ADCK1: variants seen among roughly 807,000 people sequenced by gnomAD.
ADCK1 encodes aarF domain containing kinase 1, also known as aarF domain-containing protein kinase 1.
ADCK1 carries 41 observed loss-of-function variants against 52.3 expected under a neutral mutation model. The ratio of observed to expected loss-of-function variants is 0.78; its 90% confidence interval spans 0.61 to 1.02. The LOEUF (loss-of-function observed/expected upper bound fraction) is 1.02, where lower values mean the gene tolerates loss of function less well. Ranked by LOEUF, ADCK1 falls within the 50% of genes least tolerant of loss-of-function variation. The probability of loss-of-function intolerance (pLI) is 0.00; values close to 1 mark genes in which losing one functional copy is unlikely to be tolerated. For synonymous variants in ADCK1, 250 were observed against 274.6 expected, an observed-to-expected ratio of 0.91 and a Z score of 0.89; for missense variants, 658 against 679.5, an observed-to-expected ratio of 0.97 and a Z score of 0.35.
At chr14:77,901,217 G>A (rs534934198) in intron 6 of ADCK1, among the ~76,000 whole-genome samples, 1 of 151,010 alleles carries the variant, frequency 6.6e-6, no homozygotes, top group East Asian at 1.9e-4. Context: ...ACTAATATTT[G>A]TATTTTTTTT....
At chr14:77,864,930 C>T (rs2082631564) in intron 4 of ADCK1, among the ~76,000 whole-genome samples, 2 of 152,184 alleles carry the variant, frequency 1.3e-5, no homozygotes, top group South Asian at 4.1e-4. Flanking sequence ...TATCTGATTG[C>T]ATGAGGCCCA....
At chr14:77,929,508 T>A (rs898227792) in intron 9 of ADCK1, among the ~76,000 whole-genome samples, 1 of 152,232 alleles carries the variant, frequency 6.6e-6, no homozygotes. Context: ...TCTTGCCTCA[T>A]TGGCTGACGC....
At chr14:77,809,865 T>G (rs2081301992) in intron 1 of ADCK1, among the ~76,000 whole-genome samples, 1 of 150,788 alleles carries the variant, frequency 6.6e-6, no homozygotes, top group Non-Finnish European at 1.5e-5. Context: ...TGAAACCTCT[T>G]CTCTAATAAA....
At chr14:77,931,366 G>A in intron 9 of ADCK1, 152 bp from the exon 10 acceptor site, 3 of 716,206 alleles carry the variant, frequency 4.2e-6, no homozygotes, top group Middle Eastern at 3.2e-4. Flanking sequence ...TCTCTATGGG[G>A]AGTGCTCCTA....
At chr14:77,868,844 A>T (rs1211813363) in intron 4 of ADCK1, among the ~76,000 whole-genome samples, 1 of 152,208 alleles carries the variant, frequency 6.6e-6, no homozygotes, top group Non-Finnish European at 1.5e-5. Context: ...AGCGGGGGAT[A>T]TACAGAATGT....
intron 4 of ADCK1, among the ~76,000 whole-genome samples, chr14:77,860,383 G>A (rs1311588134): frequency 6.6e-6 from 1 of 152,246 alleles, no homozygotes; most frequent in Non-Finnish European, 1.5e-5. Flanking sequence ...GGCCAGGAGA[G>A]TAGGGCAGAG....
intron 6 of ADCK1, among the ~76,000 whole-genome samples, chr14:77,903,252 C>T (rs899666436): frequency 1.3e-5 from 2 of 152,208 alleles, no homozygotes; most frequent in African/African-American, 4.8e-5. Context: ...TGCCTAAACA[C>T]ATAACAAGGG....
At chr14:77,817,914 T>TA (rs1309665353) in intron 1 of ADCK1, among the ~76,000 whole-genome samples, 2 of 151,208 alleles carry the variant, frequency 1.3e-5, no homozygotes, top group Admixed American at 1.3e-4. Flanking sequence ...TTTTTGTTTT[T>TA]TTTTTAGTAG....
intron 4 of ADCK1, among the ~76,000 whole-genome samples, chr14:77,870,915 G>GT (rs1419234154): frequency 1.3e-5 from 2 of 152,218 alleles, no homozygotes; most frequent in Non-Finnish European, 2.9e-5. Context: ...TATGGGCAGG[G>GT]TGGATGTGAT....
chr14:77,930,627 A>G (rs995289496), intron 9 of ADCK1, among the ~76,000 whole-genome samples: 5 of 152,172 alleles, frequency 3.3e-5, no homozygotes, highest in African/African-American at 1.2e-4. Flanking sequence ...CCATCTCACC[A>G]CTTACTAGCA....
chr14:77,888,685 G>T (rs564506476), intron 5 of ADCK1, among the ~76,000 whole-genome samples: 6 of 152,256 alleles, frequency 3.9e-5, no homozygotes, highest in African/African-American at 1.4e-4. Context: ...TACACATGGG[G>T]TGGGGGCAAG....
At position 77,887,098 on chromosome 14, in the gene ADCK1, A is replaced by G; in HGVS notation, c.431A>G (p.Asp144Gly). The stretch of plus-strand genomic sequence containing the variant: ...TCTCTCCACTCCCGACAGATCCATG[A>G]TTTGTTCCAGAGCTTCGATGACACC... Reference protein sequence around the residue: ...IREDLGKEIHDLFQSFDDTPL... With the variant: ...IREDLGKEIHGLFQSFDDTPL... Residue 144 changes from aspartate (D) to glycine (G), a missense_variant, in exon 5 of 11, where the codon GAT (aspartate) becomes GGT (glycine). Physicochemically the swap from Asp to Gly is moderately conservative, Grantham distance 94 (BLOSUM62 -1). Coordinates refer to ENST00000238561, the MANE Select transcript of ADCK1 (RefSeq NM_020421.4). 1 of 1,584,506 alleles carries G rather than the reference A, an allele frequency of 6.3e-7. No individual in the cohort carries two copies. Among genetic ancestry groups the G allele is most frequent in the Non-Finnish European group, 8.6e-7 (1 of 1,165,958 alleles).
At chr14:77,930,960 C>T (rs1250392113) in intron 9 of ADCK1, among the ~76,000 whole-genome samples, 1 of 152,166 alleles carries the variant, frequency 6.6e-6, no homozygotes, top group Non-Finnish European at 1.5e-5. Flanking sequence ...TGGCGATGAC[C>T]AGCATGAAGG....
At chr14:77,833,674 G>A (rs1237054637) in intron 3 of ADCK1, among the ~76,000 whole-genome samples, 3 of 152,192 alleles carry the variant, frequency 2.0e-5, no homozygotes, top group Admixed American at 6.6e-5. Flanking sequence ...AGGTTCTTGA[G>A]CCTTGACGTG....
chr14:77,850,830 T>C (rs766120644), intron 3 of ADCK1, among the ~76,000 whole-genome samples: 1 of 148,782 alleles, frequency 6.7e-6, no homozygotes, highest in Non-Finnish European at 1.5e-5. Flanking sequence ...TTTTTTTTTG[T>C]ATTTTTAGTA....
chr14:77,842,703 A>G (rs1488634043), intron 3 of ADCK1, among the ~76,000 whole-genome samples: 2 of 151,510 alleles, frequency 1.3e-5, no homozygotes, highest in Non-Finnish European at 2.9e-5. Context: ...GGCATGCACC[A>G]CCACGCCCAG....
At chr14:77,849,772 A>G (rs529434116) in intron 3 of ADCK1, among the ~76,000 whole-genome samples, 1 of 152,016 alleles carries the variant, frequency 6.6e-6, no homozygotes, top group East Asian at 1.9e-4. Flanking sequence ...AATATTTGGG[A>G]ATTTTCCAGA....
intron 4 of ADCK1, among the ~76,000 whole-genome samples, chr14:77,864,922 T>C (rs1359462680): frequency 6.6e-6 from 1 of 152,174 alleles, no homozygotes; most frequent in African/African-American, 2.4e-5. Flanking sequence ...CAGACCCTTA[T>C]CTGATTGCAT....
intron 4 of ADCK1, among the ~76,000 whole-genome samples, chr14:77,869,871 G>A (rs898920338): frequency 6.6e-6 from 1 of 152,124 alleles, no homozygotes; most frequent in Admixed American, 6.6e-5. Context: ...ACCTAAGAGG[G>A]CCTGACCCTG....
Sources: gnomAD v4.1 joint callset for allele counts (sites outside exome capture counted in the v4.1 genomes callset) on GRCh38, gnomAD v4.1.1 for gene constraint, MANE v1.5 for transcripts, NCBI Gene and HGNC (gene_info 2026-07-23, HGNC 2026-07-21) for gene names.